The following TRMT11 variants were observed in gnomAD, a reference collection of about 807,000 sequenced individuals.
The protein encoded by TRMT11 is tRNA (guanine(10)-N(2))-methyltransferase TRMT11.
Under a neutral mutation model 62.8 loss-of-function variants are expected in TRMT11, and 53 were observed. That is an observed-to-expected ratio of 0.84 (90% CI 0.68 to 1.06). The LOEUF (loss-of-function observed/expected upper bound fraction) is 1.06. Ranked by LOEUF, TRMT11 falls within the 50% of genes least tolerant of loss-of-function variation. The probability of loss-of-function intolerance (pLI) is 0.00; values close to 1 mark genes in which losing one functional copy is unlikely to be tolerated. For missense variants in TRMT11, 556 were observed against 553.4 expected (o/e 1.00, Z -0.05); for synonymous variants, 188 against 190.3 (o/e 0.99, Z 0.10).
intron 21 of TRMT11, among the ~76,000 whole-genome samples, chr6:126,155,142 C>T (rs1179341966): frequency 6.6e-6 from 1 of 152,188 alleles, no homozygotes; most frequent in East Asian, 1.9e-4. Flanking sequence ...ATGGCTCCAG[C>T]ATCTTCTTAT....
At chr6:126,152,466 G>T (rs545281028) in intron 21 of TRMT11, among the ~76,000 whole-genome samples, 1 of 152,236 alleles carries the variant, frequency 6.6e-6, no homozygotes, top group Non-Finnish European at 1.5e-5. Flanking sequence ...ACTGCCCTCT[G>T]CCCTGTGTGG....
At chr6:126,096,486 G>A (rs1489448695) in intron 17 of TRMT11, among the ~76,000 whole-genome samples, 1 of 151,960 alleles carries the variant, frequency 6.6e-6, no homozygotes, top group Non-Finnish European at 1.5e-5. Flanking sequence ...TTTAATCCTA[G>A]CCCATTGCTT....
chr6:126,059,696 T>C (rs531359453), intron 17 of TRMT11, among the ~76,000 whole-genome samples: 1 of 152,134 alleles, frequency 6.6e-6, no homozygotes, highest in Non-Finnish European at 1.5e-5. Context: ...TAATAGTGAG[T>C]AATATGGAGG....
intron 17 of TRMT11, among the ~76,000 whole-genome samples, chr6:126,104,841 T>C (rs1238563631): frequency 2.0e-5 from 3 of 152,256 alleles, no homozygotes; most frequent in Non-Finnish European, 4.4e-5. Flanking sequence ...TTCTTCTTTT[T>C]TCATTGAAAC....
rs1305564431 is a variant in TRMT11, at chr6:126,016,020, C to T, written c.1139+2919C>T. Reference sequence around the variant, plus strand: ...TCGGGCTCTTCTCTGTCAGATTTCTCCTCTCTGAATCATCATTTTCTTCTT... The same window carrying T: ...TCGGGCTCTTCTCTGTCAGATTTCTTCTCTCTGAATCATCATTTTCTTCTT... On this transcript the variant is annotated intron_variant, in intron 11 of 12. Coordinates refer to ENST00000334379, the MANE Select transcript of TRMT11 (RefSeq NM_001031712.3). Among the ~76,000 whole-genome samples, 4 of 152,128 alleles carry T rather than the reference C, an allele frequency of 2.6e-5. No individual in the cohort carries two copies. In the East Asian group the frequency reaches 7.7e-4, roughly 29 times the overall value.
chr6:126,056,433 C>T (rs893351309), intron 17 of TRMT11, among the ~76,000 whole-genome samples: 3 of 152,120 alleles, frequency 2.0e-5, no homozygotes, highest in African/African-American at 7.2e-5. Context: ...TTATTTTCTG[C>T]CAGTTTTCAG....
At chr6:126,221,696 T>C in the TRMT11 span, among the ~76,000 whole-genome samples, 2 of 152,210 alleles carry the variant, frequency 1.3e-5, no homozygotes, top group African/African-American at 2.4e-5. Flanking sequence ...ATTCTGTAAA[T>C]TGTCTGTTTA....
chr6:126,119,562 G>A (rs1289308703), intron 21 of TRMT11, among the ~76,000 whole-genome samples: 1 of 151,616 alleles, frequency 6.6e-6, no homozygotes, highest in Admixed American at 6.6e-5. Context: ...GAAGAAAACC[G>A]ATGCATGGAA....
intron 7 of TRMT11, among the ~76,000 whole-genome samples, chr6:126,002,144 T>C (rs1337419354): frequency 6.6e-6 from 1 of 152,204 alleles, no homozygotes; most frequent in Non-Finnish European, 1.5e-5. Flanking sequence ...AAATGAAATC[T>C]GGATTATAGA....
At chr6:126,046,597 A>T (rs1196167743) in intron 16 of TRMT11, among the ~76,000 whole-genome samples, 1 of 152,148 alleles carries the variant, frequency 6.6e-6, no homozygotes, top group Non-Finnish European at 1.5e-5. Flanking sequence ...CCATCTGAAT[A>T]TGCTGGGGGA....
At chr6:126,190,554 C>T (rs1328682101) in intron 1 of TRMT11, among the ~76,000 whole-genome samples, 1 of 152,118 alleles carries the variant, frequency 6.6e-6, no homozygotes, top group Non-Finnish European at 1.5e-5. Flanking sequence ...TTTATAATTA[C>T]CCAGTCTCAG....
the TRMT11 span, among the ~76,000 whole-genome samples, chr6:126,250,197 A>G: frequency 6.6e-6 from 1 of 152,216 alleles, no homozygotes; most frequent in African/African-American, 2.4e-5. Flanking sequence ...AAATCAGATA[A>G]AGAACCAAGA....
the TRMT11 span, among the ~76,000 whole-genome samples, chr6:126,262,423 G>A: frequency 6.6e-6 from 1 of 152,156 alleles, no homozygotes; most frequent in African/African-American, 2.4e-5. Flanking sequence ...TGTTCATATG[G>A]TCTGGAATCC....
chr6:126,267,916 C>T, the TRMT11 span, among the ~76,000 whole-genome samples: 2 of 151,760 alleles, frequency 1.3e-5, no homozygotes, highest in Non-Finnish European at 2.9e-5. Context: ...GATTTAGAAC[C>T]ATAATGTCAA....
At chr6:126,086,228 CATGA>C in intron 17 of TRMT11, among the ~76,000 whole-genome samples, 1 of 152,258 alleles carries the variant, frequency 6.6e-6, no homozygotes, top group Non-Finnish European at 1.5e-5. Context: ...TACATCAGAT[CATGA>C]ATGAATTACT....
rs1470714336 is a variant in TRMT11 at position 126,158,345 on chromosome 6, T to C, written c.*1824-16480T>C. Among the ~76,000 whole-genome samples, 3 of 152,180 alleles carry C rather than the reference T, an allele frequency of 2.0e-5. No homozygotes were observed. In the South Asian group the frequency reaches 6.2e-4, roughly 32 times the overall value. ...TGCTGAATGCATGCTCATGGTATAG[T>C]TTGGTATGTTCCTTTGTCCTTTTGT... On this transcript the variant is annotated intron_variant and NMD_transcript_variant, in intron 21 of 22. Coordinates refer to the TRMT11 transcript ENST00000648977.
Position 126,021,159 on chromosome 6 carries a change from G to C in TRMT11, c.1140-1G>C. On this transcript the variant is annotated splice_acceptor_variant, in intron 11 of 12. Coordinates refer to ENST00000334379, the MANE Select transcript of TRMT11 (RefSeq NM_001031712.3). LOFTEE classifies it high-confidence loss of function. ...CTAACAGTCAGCTGTTCTTTCTTCA[G>C]ATACACTGAAGAGATGGTGCCTTGG... The C allele has an allele frequency of 1.9e-6, 3 of 1,614,068 alleles. No individual in the cohort carries two copies. The highest frequency in any genetic ancestry group is 2.5e-6 in the Non-Finnish European group (3 of 1,179,950).
chr6:126,253,520 A>T, the TRMT11 span, among the ~76,000 whole-genome samples: 1 of 152,160 alleles, frequency 6.6e-6, no homozygotes, highest in South Asian at 2.1e-4. Context: ...TGGACTTTTT[A>T]AAGGCTAGTA....
At chr6:126,113,799 A>G (rs1325206173) in intron 18 of TRMT11, among the ~76,000 whole-genome samples, 1 of 152,092 alleles carries the variant, frequency 6.6e-6, no homozygotes, top group Non-Finnish European at 1.5e-5. Flanking sequence ...CTTGTTAGAA[A>G]TGGAGAACTT....
Sources: gnomAD v4.1 joint callset for allele counts (sites outside exome capture counted in the v4.1 genomes callset) on GRCh38, gnomAD v4.1.1 for gene constraint, MANE v1.5 for transcripts, NCBI Gene and HGNC (gene_info 2026-07-23, HGNC 2026-07-21) for gene names.